SLC24A3: variants seen among roughly 807,000 people sequenced by gnomAD.
SLC24A3 encodes sodium/potassium/calcium exchanger 3.
A neutral mutation model predicts 75.8 loss-of-function variants in SLC24A3; 28 were observed. The observed-to-expected ratio is 0.37, with a 90% CI of 0.27 to 0.51. The LOEUF (loss-of-function observed/expected upper bound fraction) is 0.51, where lower values mean the gene tolerates loss of function less well. SLC24A3 is among the 20% of genes least tolerant of loss of function. The pLI is 0.94. For missense variants in SLC24A3, 663 were observed against 847.8 expected (o/e 0.78, Z 2.71); for synonymous variants, 372 against 334.1 (o/e 1.11, Z -1.24).
intron 2 of SLC24A3, among the ~76,000 whole-genome samples, chr20:19,297,154 C>T (rs1182177352): frequency 6.6e-6 from 1 of 152,200 alleles, no homozygotes; most frequent in Non-Finnish European, 1.5e-5. Context: ...TGTGGCCATC[C>T]ATCAATCCAT....
intron 2 of SLC24A3, among the ~76,000 whole-genome samples, chr20:19,485,163 C>T (rs1391756196): frequency 3.3e-5 from 5 of 152,072 alleles, no homozygotes; most frequent in African/African-American, 1.2e-4. Flanking sequence ...ATCAATTTCC[C>T]TTCTAGGAAT....
At chr20:19,360,027 A>G (rs535788161) in intron 2 of SLC24A3, among the ~76,000 whole-genome samples, 1 of 152,284 alleles carries the variant, frequency 6.6e-6, no homozygotes, top group Admixed American at 6.5e-5. Context: ...GCACACTCCT[A>G]GGGCCAGAGA....
At chr20:19,680,118 C>CTGTG (rs111879136) in intron 9 of SLC24A3, among the ~76,000 whole-genome samples, 18 of 146,714 alleles carry the variant, frequency 1.2e-4, no homozygotes, top group Non-Finnish European at 2.0e-4. Context: ...GTGTCTGTGT[C>CTGTG]TGTGTGTGTG....
intron 6 of SLC24A3, among the ~76,000 whole-genome samples, chr20:19,605,328 AT>A (rs11087289): frequency 0.54 from 81,825 of 151,466 alleles, 23,068 homozygotes; most frequent in Admixed American, 0.62. Flanking sequence ...TTCTCCTGTG[AT>A]TTTTTTTTTA....
chr20:19,407,164 C>T (rs963866063), intron 2 of SLC24A3, among the ~76,000 whole-genome samples: 6 of 152,124 alleles, frequency 3.9e-5, no homozygotes, highest in South Asian at 4.1e-4. Context: ...AATCCAGAGA[C>T]GATGGAGGCA....
chr20:19,416,656 G>T (rs1393634844), intron 2 of SLC24A3, among the ~76,000 whole-genome samples: 1 of 152,150 alleles, frequency 6.6e-6, no homozygotes, highest in Non-Finnish European at 1.5e-5. Context: ...AGGAAAAGAT[G>T]GAATTTTAGC....
At chr20:19,532,979 A>ATAT (rs1162596357) in intron 3 of SLC24A3, among the ~76,000 whole-genome samples, 1 of 152,208 alleles carries the variant, frequency 6.6e-6, no homozygotes, top group African/African-American at 2.4e-5. Context: ...AAACCAACAC[A>ATAT]TATTAGCTGA....
chr20:19,543,923 A>G (rs892724421), intron 3 of SLC24A3, among the ~76,000 whole-genome samples: 2 of 152,192 alleles, frequency 1.3e-5, no homozygotes, highest in African/African-American at 4.8e-5. Context: ...CTCCTTTGGA[A>G]CAGAATCCTG....
chr20:19,469,257 G>C (rs1172285124), intron 2 of SLC24A3, among the ~76,000 whole-genome samples: 1 of 152,140 alleles, frequency 6.6e-6, no homozygotes, highest in Non-Finnish European at 1.5e-5. Context: ...GGAACTGGAT[G>C]ACAGGAACTT....
Position 19,681,879 on chromosome 20 carries a change from G to A in SLC24A3, c.789G>A (p.Gln263=), listed in dbSNP as rs1460580831. Reference sequence around the variant, plus strand: ...TCAGATATAACGCTTGCATACATCAGTGCTTTGAGAGGAGGACAAAAGGTG... The same window carrying A: ...TCAGATATAACGCTTGCATACATCAATGCTTTGAGAGGAGGACAAAAGGTG... The part of the protein sequence containing the change: ...VIMKYNACIH[Q]CFERRTKGAG... The change falls in exon 10 of 17, where the codon CAG becomes CAA. Residue 263 remains glutamine (Q), a synonymous_variant. Transcript: ENST00000328041. The A allele has an allele frequency of 6.2e-7, 1 of 1,614,150 alleles. No individual in the cohort carries two copies. The highest frequency in any genetic ancestry group is 1.1e-5 in the South Asian group (1 of 91,076).
At chr20:19,387,251 A>G (rs889332559) in intron 2 of SLC24A3, among the ~76,000 whole-genome samples, 2 of 151,032 alleles carry the variant, frequency 1.3e-5, no homozygotes, top group African/African-American at 4.9e-5. Flanking sequence ...TTTAGTTATG[A>G]TTTGTCAATT....
intron 1 of SLC24A3, among the ~76,000 whole-genome samples, chr20:19,240,170 C>T (rs975782070): frequency 1.3e-5 from 2 of 152,154 alleles, no homozygotes; most frequent in Middle Eastern, 3.2e-3. Flanking sequence ...ATCATAGACC[C>T]ACATGACTGC....
intron 1 of SLC24A3, among the ~76,000 whole-genome samples, chr20:19,279,193 G>C (rs1404406357): frequency 1.3e-5 from 2 of 152,224 alleles, no homozygotes; most frequent in Non-Finnish European, 2.9e-5. Flanking sequence ...GCTCTTCAGT[G>C]ACCACTTCAG....
chr20:19,518,958 G>T (rs191289613), intron 3 of SLC24A3, among the ~76,000 whole-genome samples: 3 of 152,282 alleles, frequency 2.0e-5, no homozygotes. Context: ...TGAAGATCTG[G>T]GACTGCCTTA....
chr20:19,453,391 T>C (rs1380947883), intron 2 of SLC24A3, among the ~76,000 whole-genome samples: 1 of 152,076 alleles, frequency 6.6e-6, no homozygotes, highest in Non-Finnish European at 1.5e-5. Flanking sequence ...GGTGGGAGGA[T>C]TCTCTATAAT....
intron 1 of SLC24A3, among the ~76,000 whole-genome samples, chr20:19,234,091 T>A (rs4814834): frequency 0.64 from 97,469 of 152,130 alleles, 32,467 homozygotes; most frequent in East Asian, 0.96. Context: ...GTTATTTTCT[T>A]TTGGTTTCAC....
At chr20:19,618,429 G>A (rs2031764803) in intron 6 of SLC24A3, among the ~76,000 whole-genome samples, 1 of 152,160 alleles carries the variant, frequency 6.6e-6, no homozygotes. Context: ...CTCTGTGCAT[G>A]TATCCTAATT....
intron 2 of SLC24A3, among the ~76,000 whole-genome samples, chr20:19,372,150 T>C (rs4814843): frequency 0.57 from 86,295 of 152,114 alleles, 26,450 homozygotes; most frequent in African/African-American, 0.81. Flanking sequence ...TGTGGTTGCT[T>C]AGAAGTCAAC....
chr20:19,481,879 G>T (rs1156766010), intron 2 of SLC24A3, among the ~76,000 whole-genome samples: 9 of 152,020 alleles, frequency 5.9e-5, no homozygotes. Flanking sequence ...TTGGGCTCTA[G>T]ACCTAGTGGA....
Sources: allele counts gnomAD v4.1 joint callset (sites outside exome capture counted in the v4.1 genomes callset), GRCh38; gene constraint gnomAD v4.1.1; transcripts MANE v1.5; gene names NCBI Gene and HGNC (gene_info 2026-07-23, HGNC 2026-07-21).